The following CREB5 variants were observed in gnomAD, a reference collection of about 807,000 sequenced individuals.
The protein encoded by CREB5 is cAMP responsive element binding protein 5.
A neutral mutation model predicts 57.1 loss-of-function variants in CREB5; 19 were observed. The ratio of observed to expected loss-of-function variants is 0.33; its 90% CI spans 0.23 to 0.49. The LOEUF is 0.49. CREB5 is among the 20% of genes least tolerant of loss of function. The pLI is 0.99. For synonymous variants in CREB5, 238 were observed against 238.3 expected (o/e 1.00, Z 0.01); for missense variants, 579 against 671.6 (o/e 0.86, Z 1.52).
In CREB5 at chr7:28,396,357, C is replaced by T. The variant is rs570928327; in HGVS notation, c.-25+96916C>T. ...GATATGCTTTTATTGTTATAAGATA[C>T]ATGATCTTTTGTTTCATTTTAGGTG... On this transcript the variant is annotated intron_variant, in intron 1 of 9. Transcript: ENST00000396299. Among the ~76,000 whole-genome samples, 20 of 152,250 alleles carry T rather than the reference C, an allele frequency of 1.3e-4. 1 individual carries two copies. The South Asian group carries it at 4.1e-3, about 32-fold the overall frequency.
At chr7:28,666,290 C>T (rs1799820562) in intron 5 of CREB5, among the ~76,000 whole-genome samples, 1 of 152,104 alleles carries the variant, frequency 6.6e-6, no homozygotes, top group South Asian at 2.1e-4. Flanking sequence ...GACTCAATAT[C>T]CCCAATGAGT....
At chr7:28,609,617 A>G (rs1176715889) in intron 5 of CREB5, among the ~76,000 whole-genome samples, 1 of 152,198 alleles carries the variant, frequency 6.6e-6, no homozygotes, top group African/African-American at 2.4e-5. Context: ...TTTCTGTTCA[A>G]TGAGCTGGCT....
At chr7:28,303,521 C>T (rs551342729) in intron 1 of CREB5, among the ~76,000 whole-genome samples, 7 of 152,158 alleles carry the variant, frequency 4.6e-5, no homozygotes, top group South Asian at 4.1e-4. Flanking sequence ...CTAACTTTGC[C>T]GATGTAAAAA....
At chr7:28,372,978 A>G (rs558270455) in intron 1 of CREB5, among the ~76,000 whole-genome samples, 1 of 152,238 alleles carries the variant, frequency 6.6e-6, no homozygotes, top group South Asian at 2.1e-4. Flanking sequence ...TATTTGGGGT[A>G]AGGACACACC....
intron 5 of CREB5, among the ~76,000 whole-genome samples, chr7:28,713,946 G>C (rs1410800934): frequency 6.6e-6 from 1 of 151,776 alleles, no homozygotes; most frequent in Non-Finnish European, 1.5e-5. Context: ...GATATCTATG[G>C]TCTGTTATTT....
At chr7:28,747,343 G>A (rs1025585241) in intron 7 of CREB5, among the ~76,000 whole-genome samples, 1 of 152,210 alleles carries the variant, frequency 6.6e-6, no homozygotes, top group African/African-American at 2.4e-5. Context: ...TGATAAATGT[G>A]TCAATCCCTC....
chr7:28,406,811 G>A (rs544814548), intron 1 of CREB5, among the ~76,000 whole-genome samples: 2 of 152,314 alleles, frequency 1.3e-5, no homozygotes, highest in South Asian at 2.1e-4. Flanking sequence ...CTCTGCCAGC[G>A]CATTTGACAG....
chr7:28,433,115 A>G (rs569395803), intron 1 of CREB5, among the ~76,000 whole-genome samples: 26 of 152,290 alleles, frequency 1.7e-4, no homozygotes, highest in African/African-American at 6.3e-4. Context: ...CCTGGTAATA[A>G]ATAATATTGT....
intron 4 of CREB5, among the ~76,000 whole-genome samples, chr7:28,536,999 C>T (rs540773367): frequency 8.5e-5 from 13 of 152,182 alleles, no homozygotes; most frequent in Non-Finnish European, 1.9e-4. Flanking sequence ...GTACTAAGCA[C>T]GTACTACATA....
rs952240599 is a variant in CREB5, at chr7:28,820,988, C to T, written c.*1709C>T. 6.6e-6 allele frequency: 1 copy of T among 152,592 alleles called. No individual in the cohort carries two copies. The highest frequency in any genetic ancestry group is 1.5e-5 in the Non-Finnish European group (1 of 68,030). 9.5% of individuals were successfully genotyped at this position (152,592 alleles called of 1,614,324 possible). ...AAGCAGATAGTCCCTGAACCACAGT[C>T]GTGCCTCCTTGAAACAAGCCATTCT... On this transcript the variant is annotated 3_prime_UTR_variant, in exon 11 of 11. Coordinates refer to ENST00000357727, the MANE Select transcript of CREB5 (RefSeq NM_182898.4).
intron 5 of CREB5, among the ~76,000 whole-genome samples, chr7:28,658,989 A>ATATATATATATATGTGTGTGT (rs1799480752): frequency 7.1e-6 from 1 of 141,364 alleles, no homozygotes; most frequent in African/African-American, 2.5e-5. Flanking sequence ...ATGTATATAT[A>ATATATATATATATGTGTGTGT]AGTCATAATT....
chr7:28,779,141 G>A (rs1428248155), intron 7 of CREB5: 1 of 152,192 alleles, frequency 6.6e-6, no homozygotes, highest in Non-Finnish European at 1.5e-5. Flanking sequence ...GAGTTGGCAT[G>A]TATCAACCAT....
chr7:28,460,098 C>T (rs1790289265), intron 1 of CREB5, among the ~76,000 whole-genome samples: 1 of 152,152 alleles, frequency 6.6e-6, no homozygotes, highest in Non-Finnish European at 1.5e-5. Flanking sequence ...TTCGATGGCT[C>T]TATAAAATCA....
rs545604152 is a variant in CREB5, at chr7:28,720,850, A to G, written c.591+1971A>G. Among the ~76,000 whole-genome samples the G allele has an allele frequency of 1.8e-3, 274 of 152,282 alleles. 1 individual carries two copies. Among genetic ancestry groups the G allele is most frequent in the African/African-American group, 6.4e-3 (267 of 41,538 alleles). Reference sequence around the variant, plus strand: ...AAATTATTATTTTTTTACAACTTCTATGCATTGCCCAGAAAAATACCACTG... The same window carrying G: ...AAATTATTATTTTTTTACAACTTCTGTGCATTGCCCAGAAAAATACCACTG... On this transcript the variant is annotated intron_variant, in intron 6 of 10. Coordinates refer to ENST00000357727, the MANE Select transcript of CREB5 (RefSeq NM_182898.4).
chr7:28,567,974 A>G (rs1795548672), intron 4 of CREB5, among the ~76,000 whole-genome samples: 1 of 152,098 alleles, frequency 6.6e-6, no homozygotes, highest in Admixed American at 6.5e-5. Context: ...GTGTAATGTG[A>G]TCACTTTTGC....
chr7:28,422,704 A>G (rs761490906), intron 1 of CREB5, among the ~76,000 whole-genome samples: 4 of 152,214 alleles, frequency 2.6e-5, no homozygotes, highest in Non-Finnish European at 5.9e-5. Context: ...GTGTTGGTGC[A>G]TACATTACAT....
At position 28,641,816 on chromosome 7, in the gene CREB5, G is replaced by C. The variant is rs6970316; in HGVS notation, c.464+71279G>C. On this transcript the variant is annotated intron_variant, in intron 5 of 10. Transcript: ENST00000357727. ...ATTTGTCTTTCATTCCTTACCTTCT[G>C]CTCCTCTGACCTGCAGTCGCCATCC... 7.5e-3 allele frequency among the ~76,000 whole-genome samples: 1,147 copies of C among 152,210 alleles called. 16 individuals carry two copies. The highest frequency in any genetic ancestry group is 0.026 in the African/African-American group (1,080 of 41,522).
chr7:28,590,039 A>G (rs1796442160), intron 5 of CREB5, among the ~76,000 whole-genome samples: 1 of 152,186 alleles, frequency 6.6e-6, no homozygotes, highest in Non-Finnish European at 1.5e-5. Context: ...CAGGTGCTGG[A>G]GAGGATGTGG....
At chr7:28,628,222 G>C (rs1448008086) in intron 5 of CREB5, among the ~76,000 whole-genome samples, 2 of 151,840 alleles carry the variant, frequency 1.3e-5, no homozygotes, top group East Asian at 3.9e-4. Flanking sequence ...CCTAAAGACT[G>C]ACAGCAATCC....
Sources: allele counts gnomAD v4.1 joint callset (sites outside exome capture counted in the v4.1 genomes callset), GRCh38; gene constraint gnomAD v4.1.1; transcripts MANE v1.5; gene names NCBI Gene and HGNC (gene_info 2026-07-23, HGNC 2026-07-21).